CDKL5: variants seen among roughly 807,000 people sequenced by gnomAD.
CDKL5 encodes the protein cyclin dependent kinase like 5, also known as cyclin-dependent kinase-like 5.
CDKL5 carries 8 observed loss-of-function variants against 61.7 expected under a neutral mutation model. The ratio of observed to expected loss-of-function variants is 0.13; its 90% confidence interval spans 0.08 to 0.23. The LOEUF is 0.23. Among genes scored for constraint, CDKL5 ranks in the 10% least tolerant of loss-of-function variants. CDKL5 has a pLI of 1.00. For synonymous variants in CDKL5, 275 were observed against 272.3 expected, an observed-to-expected ratio of 1.01 and a Z score of -0.10; for missense variants, 440 against 734.5, an observed-to-expected ratio of 0.60 and a Z score of 4.63.
rs1007842850 is a variant in CDKL5, at chrX:18,545,705, A to G, written c.100-18772A>G. On this transcript the variant is annotated intron_variant, in intron 3 of 17. Transcript: ENST00000623535. ...TATTCTTTGTAAACACAGAATGTGAATATAAATTTTCTGCCATGTTTTGTT... is the reference window on the plus strand; with the variant it reads ...TATTCTTTGTAAACACAGAATGTGAGTATAAATTTTCTGCCATGTTTTGTT... Among the ~76,000 whole-genome samples the G allele has an allele frequency of 3.6e-5, 4 of 112,559 alleles. No individual in the cohort carries two copies. In the Admixed American group the frequency reaches 3.8e-4, roughly 11 times the overall value.
At chrX:18,434,097 G>T (rs1410716454) in intron 1 of CDKL5, among the ~76,000 whole-genome samples, 1 of 111,701 alleles carries the variant, frequency 9.0e-6, no homozygotes, top group Non-Finnish European at 1.9e-5. Flanking sequence ...GTGGGCTGAG[G>T]AGTAAGGCCA....
intron 4 of CDKL5, among the ~76,000 whole-genome samples, chrX:18,571,734 A>C (rs1405029262): frequency 9.0e-6 from 1 of 111,526 alleles, no homozygotes; most frequent in Non-Finnish European, 1.9e-5. Context: ...TTAGAAAAAC[A>C]AAATTATAGG....
At chrX:18,477,444 T>C (rs1171296534) in intron 1 of CDKL5, among the ~76,000 whole-genome samples, 4 of 112,711 alleles carry the variant, frequency 3.5e-5, no homozygotes, top group Non-Finnish European at 7.5e-5. Context: ...AATATAGTTA[T>C]TGATATGTTT....
At chrX:18,641,920 T>C (rs1927590086), downstream of CDKL5, 2 of 1,033,395 alleles carry the variant, frequency 1.9e-6, no homozygotes, top group Non-Finnish European at 2.7e-6. Context: ...TATAGCCCTG[T>C]CCATCTCGGT....
chrX:18,516,031 A>T (rs1923002136), intron 3 of CDKL5, among the ~76,000 whole-genome samples: 1 of 106,814 alleles, frequency 9.4e-6, no homozygotes. Flanking sequence ...TGTGTTGCCC[A>T]GGTTGGAGTG....
intron 6 of CDKL5, among the ~76,000 whole-genome samples, chrX:18,580,554 C>A (rs1925446079): frequency 9.0e-6 from 1 of 111,345 alleles, no homozygotes; most frequent in Non-Finnish European, 1.9e-5. Flanking sequence ...ATTATACTCC[C>A]ATAAACTGTT....
intron 1 of CDKL5, among the ~76,000 whole-genome samples, chrX:18,488,179 CTT>C (rs1921860290): frequency 9.0e-6 from 1 of 110,629 alleles, no homozygotes; most frequent in Admixed American, 9.6e-5. Context: ...TGCAACAAAA[CTT>C]TGATATTTAA....
chrX:18,481,003 G>A (rs1921532403), intron 1 of CDKL5, among the ~76,000 whole-genome samples: 1 of 109,341 alleles, frequency 9.1e-6, no homozygotes, highest in South Asian at 3.9e-4. Flanking sequence ...GATTACAGGT[G>A]TGTGCCACCA....
At chrX:18,599,715 C>T (rs1457853560) in intron 11 of CDKL5, among the ~76,000 whole-genome samples, 1 of 112,162 alleles carries the variant, frequency 8.9e-6, no homozygotes, top group Non-Finnish European at 1.9e-5. Flanking sequence ...TCAGTCTCCC[C>T]ATGTGCTGGA....
Position 18,632,031 on chromosome X carries a change from T to C in CDKL5, c.*3274T>C. On this transcript the variant is annotated 3_prime_UTR_variant, in exon 18 of 18. Transcript: ENST00000623535. ...ACAGATGCTACTAAACACCCTGCCATGCACAGGACAGCCCCCCAAACAAAC... is the reference window on the plus strand; with the variant it reads ...ACAGATGCTACTAAACACCCTGCCACGCACAGGACAGCCCCCCAAACAAAC... 1 of 618,281 alleles carries C rather than the reference T, an allele frequency of 1.6e-6. No homozygotes were observed. Among genetic ancestry groups the C allele is most frequent in the Non-Finnish European group, 1.9e-6 (1 of 515,357 alleles). 51.0% of individuals were successfully genotyped at this position (618,281 alleles called of 1,213,427 possible). A position where few individuals can be genotyped will look rare whatever the true frequency, so the allele number is the denominator to read the frequency against.
At chrX:18,482,998 A>T (rs1921643660) in intron 1 of CDKL5, among the ~76,000 whole-genome samples, 1 of 112,268 alleles carries the variant, frequency 8.9e-6, no homozygotes, top group Non-Finnish European at 1.9e-5. Flanking sequence ...ATGACATTTC[A>T]TGAATCTATT....
chrX:18,628,875 G>A lies in CDKL5; in HGVS notation c.*118G>A. ...GGTGAGCCAATATTTTCAGCTTTAT[G>A]AAGGTGTGTGCAATATTGCATGTGT... On this transcript the variant is annotated 3_prime_UTR_variant, in exon 18 of 18. Transcript: ENST00000623535. 1.8e-6 allele frequency: 2 copies of A among 1,084,114 alleles called. No individual in the cohort carries two copies. Among genetic ancestry groups the A allele is most frequent in the South Asian group, 2.4e-5 (1 of 42,144 alleles). The allele number at this position is 1,084,114 out of a possible 1,213,427, so 89.3% of individuals were successfully genotyped here.
chrX:18,592,591 C>T (rs1467565872), intron 9 of CDKL5, among the ~76,000 whole-genome samples: 1 of 112,293 alleles, frequency 8.9e-6, no homozygotes, highest in African/African-American at 3.2e-5. Flanking sequence ...ATTGCTGCCT[C>T]CATCACACTT....
intron 1 of CDKL5, among the ~76,000 whole-genome samples, chrX:18,441,452 T>C (rs765816724): frequency 9.0e-6 from 1 of 111,234 alleles, no homozygotes; most frequent in African/African-American, 3.3e-5. Flanking sequence ...TACTTGTGTG[T>C]ACACTGCCCC....
chrX:18,628,403 A>G lies in CDKL5; in HGVS notation c.2529A>G (p.Leu843=), dbSNP rs1248063303. The G allele has an allele frequency of 3.3e-6, 4 of 1,211,508 alleles. No individual in the cohort carries two copies. Among genetic ancestry groups the G allele is most frequent in the Non-Finnish European group, 2.2e-6 (2 of 895,250 alleles). Residue 843 remains leucine (L), a synonymous_variant, in exon 18 of 18, where the codon TTA becomes TTG. Coordinates refer to ENST00000623535, the MANE Select transcript of CDKL5 (RefSeq NM_001323289.2). The stretch of plus-strand genomic sequence containing the variant: ...CATTAAAATCACTGCGCAAGTTGTT[A>G]CATCTCTCTTCGGCCTCAAATCACC... ...SQPLKSLRKL[L]HLSSASNHPA...
At position 18,645,946 on chromosome X, in the gene CDKL5, T is replaced by G. The variant is rs1287932626; in HGVS notation, c.2714-61T>G. 3 of 1,205,740 alleles carry G rather than the reference T, an allele frequency of 2.5e-6. No individual in the cohort carries two copies. In the East Asian group the frequency reaches 8.9e-5, roughly 36 times the overall value. ...GCAGAAGTGGCCAATAGAATATGTT[T>G]GTGTTCTTAAAGGCAAGTCATGCGC... is the stretch of plus-strand genomic sequence containing the variant. On this transcript the variant is annotated intron_variant, in intron 19 of 21. Coordinates refer to the CDKL5 transcript ENST00000379989.
chrX:18,524,760 T>A (rs1448185829), intron 3 of CDKL5, among the ~76,000 whole-genome samples: 1 of 111,997 alleles, frequency 8.9e-6, no homozygotes, highest in Non-Finnish European at 1.9e-5. Flanking sequence ...GTATGATCCA[T>A]TTTGATTTAG....
In CDKL5 at chrX:18,635,533, G is replaced by A. The variant is rs1927361698; in HGVS notation, c.*6776G>A. 6 of 753,602 alleles carry A rather than the reference G, an allele frequency of 8.0e-6. No homozygotes were observed. Among genetic ancestry groups the A allele is most frequent in the Non-Finnish European group, 7.8e-6 (5 of 638,451 alleles). 62.1% of individuals were successfully genotyped at this position (753,602 alleles called of 1,213,427 possible). On this transcript the variant is annotated 3_prime_UTR_variant, in exon 18 of 18. Transcript: ENST00000623535. The stretch of plus-strand genomic sequence containing the variant: ...TGAGGGATGATGGGCCTTTGAGGTT[G>A]TAATCAGTTTGAGACAGAAATTAAT...
chrX:18,464,821 A>G (rs1275995392), intron 1 of CDKL5, among the ~76,000 whole-genome samples: 1 of 112,085 alleles, frequency 8.9e-6, no homozygotes, highest in African/African-American at 3.2e-5. Context: ...ATTATTGACT[A>G]AGAGTTGGTC....
Sources: allele counts gnomAD v4.1 joint callset (sites outside exome capture counted in the v4.1 genomes callset), GRCh38; gene constraint gnomAD v4.1.1; transcripts MANE v1.5; gene names NCBI Gene and HGNC (gene_info 2026-07-23, HGNC 2026-07-21).